Variants in DPP10 observed in about 807,000 individuals in gnomAD.
The protein encoded by DPP10 is inactive dipeptidyl peptidase 10.
In DPP10, 33 loss-of-function variants were observed where a neutral mutation model predicts 120.9. The ratio of observed to expected loss-of-function variants is 0.27; its 90% CI spans 0.21 to 0.37. The LOEUF is 0.37. Ranked by LOEUF, DPP10 falls within the 10% of genes least tolerant of loss-of-function variation. The pLI is 1.00. For synonymous variants in DPP10, 337 were observed against 326.1 expected, an observed-to-expected ratio of 1.03 and a Z score of -0.36; for missense variants, 816 against 942.8, an observed-to-expected ratio of 0.87 and a Z score of 1.76.
At chr2:115,747,453 T>A (rs1678126053) in intron 10 of DPP10, among the ~76,000 whole-genome samples, 1 of 152,314 alleles carries the variant, frequency 6.6e-6, no homozygotes, top group Non-Finnish European at 1.5e-5. Context: ...TTAACTCTTA[T>A]CTTTTTCTCT....
Position 115,665,149 on chromosome 2 carries a change from G to A in DPP10, c.442-24538G>A, listed in dbSNP as rs184104854. 8.7e-4 allele frequency among the ~76,000 whole-genome samples: 132 copies of A among 152,244 alleles called. No homozygotes were observed. In the Middle Eastern group the frequency reaches 0.014, roughly 16 times the overall value. On this transcript the variant is annotated intron_variant, in intron 5 of 25. Coordinates refer to ENST00000410059, the MANE Select transcript of DPP10 (RefSeq NM_020868.6). ...AAGGTCTCATTCCCATACTGAATGT[G>A]TTCTTTCCATTTAATAGTTGCCACT...
intron 3 of DPP10, among the ~76,000 whole-genome samples, chr2:115,439,319 G>A (rs538080779): frequency 2.0e-5 from 3 of 152,160 alleles, no homozygotes; most frequent in African/African-American, 7.2e-5. Flanking sequence ...CTGGGGAGAC[G>A]GAATAATGTG....
chr2:115,162,142 C>T (rs139099509), intron 1 of DPP10: 486 of 1,515,338 alleles, frequency 3.2e-4, no homozygotes, highest in Non-Finnish European at 4.2e-4. Context: ...CTCACCCTCC[C>T]CCGCCCCGCC....
intron 1 of DPP10, among the ~76,000 whole-genome samples, chr2:115,132,944 T>G (rs2050435127): frequency 6.6e-6 from 1 of 151,802 alleles, no homozygotes; most frequent in South Asian, 2.1e-4. Context: ...ACAAGTAGTG[T>G]TAGAAATTTC....
chr2:115,517,266 G>A (rs1286201057), intron 4 of DPP10, among the ~76,000 whole-genome samples: 1 of 152,110 alleles, frequency 6.6e-6, no homozygotes, highest in African/African-American at 2.4e-5. Flanking sequence ...AGAATGCATG[G>A]CTTTCAACCT....
intron 1 of DPP10, among the ~76,000 whole-genome samples, chr2:114,790,184 C>A (rs1465825158): frequency 6.6e-6 from 1 of 152,196 alleles, no homozygotes; most frequent in African/African-American, 2.4e-5. Context: ...GAATATCCCG[C>A]ATCAGCACTT....
rs577009474 is a variant in DPP10, at chr2:115,820,421, A to ATT, written c.1950+4700_1950+4701dup. Among the ~76,000 whole-genome samples the ATT allele has an allele frequency of 6.6e-3, 976 of 146,808 alleles. 10 individuals are homozygous for ATT. Among genetic ancestry groups the ATT allele is most frequent in the African/African-American group, 0.022 (859 of 39,804 alleles). Reference sequence around the variant, plus strand: ...CTTGGAATTTTTGTTTAGTGAATTGATTTTTTTTTCTTTTTTTTTTTTATT... The same window carrying ATT: ...CTTGGAATTTTTGTTTAGTGAATTGATTTTTTTTTTTCTTTTTTTTTTTTATT... On this transcript the variant is annotated intron_variant, in intron 21 of 25. Transcript: ENST00000410059.
In DPP10 at chr2:115,836,264, C is replaced by T. The variant is rs1689515829; in HGVS notation, c.2050+8C>T. On this transcript the variant is annotated splice_region_variant and intron_variant, in intron 22 of 25. Transcript: ENST00000410059. The stretch of plus-strand genomic sequence containing the variant: ...CAGACTTGAAATTGTATGGTGAGTA[C>T]TTTCTACAGACTGACCTAGTATAAT... The T allele has an allele frequency of 6.3e-6, 10 of 1,594,722 alleles. No individual in the cohort carries two copies. The highest frequency in any genetic ancestry group is 6.8e-6 in the Non-Finnish European group (8 of 1,170,648).
At chr2:115,240,653 A>G (rs1347572178) in intron 1 of DPP10, among the ~76,000 whole-genome samples, 1 of 152,204 alleles carries the variant, frequency 6.6e-6, no homozygotes, top group Non-Finnish European at 1.5e-5. Flanking sequence ...TTTTAAACGC[A>G]CTAAGAAACC....
intron 1 of DPP10, among the ~76,000 whole-genome samples, chr2:115,033,297 G>T (rs751638007): frequency 6.6e-6 from 1 of 152,086 alleles, no homozygotes; most frequent in Non-Finnish European, 1.5e-5. Context: ...TATATAAACC[G>T]AGCCTCTCAC....
At position 114,596,957 on chromosome 2, in the gene DPP10, A is replaced by G. The variant is rs974341023; in HGVS notation, c.60+154119A>G. ...TCCTAGTTACTGGGGTCACAGAATG[A>G]AAAAGTGGAGCCAAATTATAAGGAG... On this transcript the variant is annotated intron_variant, in intron 1 of 25. Transcript: ENST00000410059. Among the ~76,000 whole-genome samples, 5 of 152,096 alleles carry G rather than the reference A, an allele frequency of 3.3e-5. No homozygotes were observed. The East Asian group carries it at 9.6e-4, about 29-fold the overall frequency.
chr2:115,399,296 C>A (rs554713865), intron 3 of DPP10, among the ~76,000 whole-genome samples: 54 of 152,234 alleles, frequency 3.5e-4, no homozygotes, highest in African/African-American at 1.2e-3. Context: ...ATAATTATTT[C>A]TGTTTCTTTT....
At chr2:115,127,883 A>G (rs1573713343) in intron 1 of DPP10, among the ~76,000 whole-genome samples, 1 of 152,142 alleles carries the variant, frequency 6.6e-6, no homozygotes, top group Non-Finnish European at 1.5e-5. Flanking sequence ...TATACTCCCT[A>G]TGTCAACTCA....
At chr2:114,580,865 C>T (rs1233530179) in intron 1 of DPP10, among the ~76,000 whole-genome samples, 1 of 151,910 alleles carries the variant, frequency 6.6e-6, no homozygotes, top group South Asian at 2.1e-4. Flanking sequence ...GCTGTTCTTT[C>T]GAGGCTGTCA....
chr2:114,687,001 A>G (rs912520362), intron 1 of DPP10, among the ~76,000 whole-genome samples: 4 of 151,950 alleles, frequency 2.6e-5, no homozygotes, highest in Admixed American at 6.6e-5. Context: ...AACAAAATCT[A>G]TATGTTTAAC....
chr2:114,985,632 C>T (rs1440505503), intron 1 of DPP10, among the ~76,000 whole-genome samples: 1 of 152,140 alleles, frequency 6.6e-6, no homozygotes, highest in East Asian at 1.9e-4. Flanking sequence ...GGGCTGAGAC[C>T]ATGGGCAATG....
rs1697946573 is a variant in DPP10 at position 114,666,656 on chromosome 2, G to A, written c.60+223818G>A. On this transcript the variant is annotated intron_variant, in intron 1 of 25. Transcript: ENST00000410059. ...ACAGAGAGACATAGAACCAGATAGG[G>A]CAAGAGGTTGAGGCACCTTAGAGGT... Among the ~76,000 whole-genome samples, 6 of 152,160 alleles carry A rather than the reference G, an allele frequency of 3.9e-5. No homozygotes were observed. In the South Asian group the frequency reaches 1.2e-3, roughly 32 times the overall value.
chr2:115,241,130 G>A (rs778094530), intron 1 of DPP10, among the ~76,000 whole-genome samples: 23 of 152,156 alleles, frequency 1.5e-4, no homozygotes, highest in Non-Finnish European at 3.1e-4. Context: ...TTAGCTGGGC[G>A]TGGTGGCAGG....
chr2:115,774,213 C>T (rs946619181), intron 13 of DPP10, among the ~76,000 whole-genome samples: 2 of 141,324 alleles, frequency 1.4e-5, no homozygotes, highest in Non-Finnish European at 3.2e-5. Flanking sequence ...CACACATACA[C>T]ACACACACAC....
Sources: allele counts gnomAD v4.1 joint callset (sites outside exome capture counted in the v4.1 genomes callset), GRCh38; gene constraint gnomAD v4.1.1; transcripts MANE v1.5; gene names NCBI Gene and HGNC (gene_info 2026-07-23, HGNC 2026-07-21).